Variants in NFIB observed in about 807,000 individuals in gnomAD.
NFIB encodes the protein nuclear factor 1 B-type.
In NFIB, 11 loss-of-function variants were observed where a neutral mutation model predicts 61.5. The ratio of observed to expected loss-of-function variants is 0.18; its 90% confidence interval spans 0.11 to 0.30. The LOEUF is 0.30. Among genes scored for constraint, NFIB ranks in the 10% least tolerant of loss-of-function variants. The pLI is 1.00. For missense variants in NFIB, 471 were observed against 608.9 expected (o/e 0.77, Z 2.38); for synonymous variants, 260 against 216.5 (o/e 1.20, Z -1.76).
chr9:14,455,491 G>A, the NFIB span, among the ~76,000 whole-genome samples: 2 of 152,174 alleles, frequency 1.3e-5, no homozygotes, highest in East Asian at 3.9e-4. Context: ...GTGGAGGGGT[G>A]AGAGGAGGAC....
At chr9:14,521,472 C>G in the NFIB span, among the ~76,000 whole-genome samples, 1 of 152,130 alleles carries the variant, frequency 6.6e-6, no homozygotes, top group Admixed American at 6.6e-5. Context: ...ATTTAAACTC[C>G]CTGGGCCTCA....
intron 1 of NFIB, among the ~76,000 whole-genome samples, chr9:14,363,709 C>T (rs897956028): frequency 1.3e-5 from 2 of 151,654 alleles, no homozygotes; most frequent in African/African-American, 2.4e-5. Context: ...GGAAATCCCC[C>T]GTAATCCCAC....
chr9:14,373,504 C>T (rs1199442563), intron 1 of NFIB, among the ~76,000 whole-genome samples: 1 of 151,994 alleles, frequency 6.6e-6, no homozygotes, highest in Non-Finnish European at 1.5e-5. Context: ...TTGTTTTAGA[C>T]TCATTGCCAG....
At chr9:14,243,309 T>C (rs1454899961) in intron 2 of NFIB, among the ~76,000 whole-genome samples, 3 of 152,200 alleles carry the variant, frequency 2.0e-5, no homozygotes, top group East Asian at 3.8e-4. Flanking sequence ...AAGCAACTTA[T>C]ATTACCTTCT....
intron 10 of NFIB, among the ~76,000 whole-genome samples, chr9:14,110,142 C>A (rs994358323): frequency 6.6e-5 from 10 of 151,892 alleles, no homozygotes; most frequent in Non-Finnish European, 8.8e-5. Context: ...TAGAAAATGA[C>A]CAGATTGGAA....
At chr9:14,223,765 A>G (rs907114067) in intron 2 of NFIB, among the ~76,000 whole-genome samples, 7 of 152,200 alleles carry the variant, frequency 4.6e-5, no homozygotes, top group Non-Finnish European at 8.8e-5. Flanking sequence ...CAATTCCTCT[A>G]AATATACTAA....
At chr9:14,269,590 T>C (rs1353155973) in intron 2 of NFIB, among the ~76,000 whole-genome samples, 1 of 152,176 alleles carries the variant, frequency 6.6e-6, no homozygotes, top group Non-Finnish European at 1.5e-5. Flanking sequence ...ATTACAGCAA[T>C]GCACTGCACA....
chr9:14,267,823 T>A (rs1465069699), intron 2 of NFIB, among the ~76,000 whole-genome samples: 1 of 152,142 alleles, frequency 6.6e-6, no homozygotes, highest in Non-Finnish European at 1.5e-5. Flanking sequence ...AATAAATACG[T>A]AGCCTGTTTT....
At chr9:14,343,007 C>T (rs1289696964) in intron 1 of NFIB, among the ~76,000 whole-genome samples, 1 of 150,990 alleles carries the variant, frequency 6.6e-6, no homozygotes, top group Non-Finnish European at 1.5e-5. Context: ...GTGAGGCCAA[C>T]GGAAATAATT....
At chr9:14,386,883 C>G (rs2061555780) in intron 1 of NFIB, among the ~76,000 whole-genome samples, 1 of 152,124 alleles carries the variant, frequency 6.6e-6, no homozygotes, top group African/African-American at 2.4e-5. Context: ...GTTCCACAGA[C>G]AAATATGTTT....
chr9:14,493,779 T>C, the NFIB span, among the ~76,000 whole-genome samples: 3 of 152,220 alleles, frequency 2.0e-5, no homozygotes, highest in African/African-American at 7.2e-5. Flanking sequence ...TTAATCTCCA[T>C]GTGAGGCTAT....
intron 1 of NFIB, among the ~76,000 whole-genome samples, chr9:14,370,416 G>A (rs1182693811): frequency 6.6e-6 from 1 of 152,104 alleles, no homozygotes; most frequent in Non-Finnish European, 1.5e-5. Context: ...ATTGTACATT[G>A]GCTTTTTAAA....
At chr9:14,169,103 T>C (rs2045268583) in intron 3 of NFIB, among the ~76,000 whole-genome samples, 1 of 152,136 alleles carries the variant, frequency 6.6e-6, no homozygotes, top group Non-Finnish European at 1.5e-5. Context: ...CAGTCCAAAA[T>C]ACCAAATTTT....
chr9:14,216,738 T>G (rs1340033384), intron 2 of NFIB, among the ~76,000 whole-genome samples: 1 of 152,194 alleles, frequency 6.6e-6, no homozygotes, highest in Non-Finnish European at 1.5e-5. Context: ...CAATTCCATC[T>G]TTCTCATGTG....
chr9:14,293,500 C>T lies in NFIB; in HGVS notation c.562+13489G>A, dbSNP rs115082224. 1.0e-3 allele frequency among the ~76,000 whole-genome samples: 156 copies of T among 152,290 alleles called. 1 individual carries two copies. The highest frequency in any genetic ancestry group is 6.2e-3 in the South Asian group (30 of 4,828). ...GAAGCCCATGGTGAGGAGGAAATTA[C>T]GCCTCATGGGCCTTCCACAACAGGA... On this transcript the variant is annotated intron_variant, in intron 2 of 10. Coordinates refer to ENST00000380953, the MANE Select transcript of NFIB (RefSeq NM_001190737.2).
chr9:14,350,514 T>TGGG (rs35774336), intron 1 of NFIB, among the ~76,000 whole-genome samples: 2 of 140,094 alleles, frequency 1.4e-5, no homozygotes, highest in African/African-American at 2.7e-5. Flanking sequence ...CTGGGTGGGG[T>TGGG]GGGGGGGGAA....
chr9:14,388,226 A>G (rs1345558724), intron 1 of NFIB, among the ~76,000 whole-genome samples: 2 of 152,134 alleles, frequency 1.3e-5, no homozygotes, highest in African/African-American at 4.8e-5. Context: ...AGAAAAATGC[A>G]GCCAGGTGTG....
At chr9:14,238,767 G>A (rs954940600) in intron 2 of NFIB, among the ~76,000 whole-genome samples, 1 of 151,976 alleles carries the variant, frequency 6.6e-6, no homozygotes, top group Admixed American at 6.6e-5. Context: ...TATTCTCCAC[G>A]TCTCTTGCCA....
the NFIB span, among the ~76,000 whole-genome samples, chr9:14,456,857 T>C: frequency 6.6e-6 from 1 of 152,202 alleles, no homozygotes; most frequent in African/African-American, 2.4e-5. Context: ...TTGATGCACC[T>C]GTACATGTGT....
Sources: allele counts gnomAD v4.1 joint callset (sites outside exome capture counted in the v4.1 genomes callset), GRCh38; gene constraint gnomAD v4.1.1; transcripts MANE v1.5; gene names NCBI Gene and HGNC (gene_info 2026-07-23, HGNC 2026-07-21).